The following DMD variants were observed in gnomAD, a reference collection of about 807,000 sequenced individuals.
The protein encoded by DMD is mutant dystrophin.
A neutral mutation model predicts 330.1 loss-of-function variants in DMD; 63 were observed. The observed-to-expected ratio is 0.19, with a 90% CI of 0.16 to 0.24. The LOEUF is 0.24. Ranked by LOEUF, DMD falls within the 10% of genes least tolerant of loss-of-function variation. The pLI is 1.00. For missense variants in DMD, 3,344 were observed against 2,684.1 expected, an observed-to-expected ratio of 1.25 and a Z score of -5.43; for synonymous variants, 1,223 against 959.8, an observed-to-expected ratio of 1.27 and a Z score of -5.07.
intron 37 of DMD, among the ~76,000 whole-genome samples, chrX:32,359,345 C>T (rs978269715): frequency 3.6e-5 from 4 of 111,945 alleles, no homozygotes; most frequent in Admixed American, 9.5e-5. Context: ...TATTCAAGGG[C>T]TCTTTAGAGT....
intron 4 of DMD, among the ~76,000 whole-genome samples, chrX:32,841,751 A>G (rs2148963708): frequency 8.9e-6 from 1 of 112,252 alleles, no homozygotes; most frequent in African/African-American, 3.2e-5. Flanking sequence ...TCTATAGATA[A>G]TAACCTAATA....
intron 44 of DMD, among the ~76,000 whole-genome samples, chrX:32,137,615 GT>G (rs1003231660): frequency 1.1e-4 from 12 of 107,947 alleles, no homozygotes; most frequent in South Asian, 4.0e-4. Context: ...TGAAAGTATA[GT>G]TTTTTTTTTC....
At chrX:33,185,406 A>G (rs1004951793) in intron 1 of DMD, among the ~76,000 whole-genome samples, 3 of 110,854 alleles carry the variant, frequency 2.7e-5, no homozygotes, top group African/African-American at 9.8e-5. Flanking sequence ...AATCTCTAAA[A>G]TGGGAAGTAT....
chrX:32,435,954 A>G (rs1192886920), intron 29 of DMD, among the ~76,000 whole-genome samples: 2 of 111,980 alleles, frequency 1.8e-5, no homozygotes, highest in East Asian at 2.8e-4. Context: ...ACCATGTCCA[A>G]TGAATACACC....
intron 7 of DMD, among the ~76,000 whole-genome samples, chrX:32,716,408 G>A (rs991836382): frequency 6.3e-5 from 7 of 110,734 alleles, no homozygotes; most frequent in East Asian, 2.8e-4. Context: ...CTTCCCCTTC[G>A]CCTTCCACAA....
intron 52 of DMD, among the ~76,000 whole-genome samples, chrX:31,711,784 A>G (rs1190068564): frequency 9.0e-6 from 1 of 111,231 alleles, no homozygotes; most frequent in Non-Finnish European, 1.9e-5. Flanking sequence ...CAAATATAGA[A>G]ATCAGAGTTA....
chrX:32,356,763 TG>T (rs2097802497), intron 37 of DMD, among the ~76,000 whole-genome samples: 1 of 112,296 alleles, frequency 8.9e-6, no homozygotes, highest in South Asian at 3.6e-4. Flanking sequence ...CATAATATTT[TG>T]TAAAAAGTAA....
At chrX:31,937,972 CA>C (rs972046049) in intron 45 of DMD, among the ~76,000 whole-genome samples, 1 of 111,713 alleles carries the variant, frequency 9.0e-6, no homozygotes, top group Non-Finnish European at 1.9e-5. Flanking sequence ...ATTTACATTA[CA>C]AATGTTCCCA....
At chrX:32,474,479 G>T (rs753778807) in intron 21 of DMD, among the ~76,000 whole-genome samples, 5 of 111,722 alleles carry the variant, frequency 4.5e-5, no homozygotes, top group Admixed American at 9.5e-5. Context: ...ATCCCCATCA[G>T]CAGTGTAGAA....
At chrX:32,448,890 G>A (rs887549756) in intron 26 of DMD, among the ~76,000 whole-genome samples, 2 of 110,651 alleles carry the variant, frequency 1.8e-5, no homozygotes, top group African/African-American at 6.5e-5. Context: ...CTGCATGGAG[G>A]TATGGATTTG....
intron 1 of DMD, among the ~76,000 whole-genome samples, chrX:33,090,283 TA>T (rs1243531659): frequency 9.1e-6 from 1 of 109,589 alleles, no homozygotes; most frequent in Non-Finnish European, 1.9e-5. Flanking sequence ...CAAAATTACA[TA>T]CATGTATTTA....
At chrX:32,030,880 G>A (rs1423040104) in intron 44 of DMD, among the ~76,000 whole-genome samples, 4 of 111,723 alleles carry the variant, frequency 3.6e-5, no homozygotes, top group Admixed American at 1.9e-4. Flanking sequence ...ATAGTCACAA[G>A]TTAGCTAGTG....
At chrX:32,809,920 A>C (rs1203056364) in intron 6 of DMD, among the ~76,000 whole-genome samples, 29 of 19,413 alleles carry the variant, frequency 1.5e-3, no homozygotes, top group African/African-American at 4.7e-3. Context: ...TGTTTCTACC[A>C]AAAAAAAAAA....
intron 20 of DMD, among the ~76,000 whole-genome samples, chrX:32,486,618 A>G (rs985169179): frequency 4.3e-4 from 47 of 109,772 alleles, no homozygotes; most frequent in Admixed American, 9.8e-4. Flanking sequence ...AGGCTACAGT[A>G]ACCAAAACAG....
At chrX:31,432,297 T>C (rs2092356474) in intron 60 of DMD, among the ~76,000 whole-genome samples, 1 of 111,631 alleles carries the variant, frequency 9.0e-6, no homozygotes, top group Non-Finnish European at 1.9e-5. Context: ...CAAATATCAA[T>C]AGATTATAGA....
At chrX:31,816,641 C>G (rs750671981) in intron 50 of DMD, among the ~76,000 whole-genome samples, 1 of 109,241 alleles carries the variant, frequency 9.2e-6, no homozygotes, top group Non-Finnish European at 1.9e-5. Flanking sequence ...TTTACTAAAA[C>G]TACAAAAATT....
At chrX:32,631,340 C>A (rs5971649) in intron 11 of DMD, among the ~76,000 whole-genome samples, 1 of 110,904 alleles carries the variant, frequency 9.0e-6, no homozygotes, top group Non-Finnish European at 1.9e-5. Flanking sequence ...CTGGCTATCA[C>A]CTACATTCAC....
At chrX:31,665,063 T>C (rs749511424) in intron 53 of DMD, among the ~76,000 whole-genome samples, 51 of 111,754 alleles carry the variant, frequency 4.6e-4, no homozygotes, top group African/African-American at 1.4e-3. Flanking sequence ...AAGTGACTTG[T>C]TCAAGGTGAC....
At chrX:32,418,845 C>T (rs756144246) in intron 29 of DMD, among the ~76,000 whole-genome samples, 15 of 107,438 alleles carry the variant, frequency 1.4e-4, no homozygotes, top group South Asian at 4.1e-4. Flanking sequence ...TGGTGGCAGG[C>T]GCCTGTAGTC....
Sources: gnomAD v4.1 joint callset for allele counts (sites outside exome capture counted in the v4.1 genomes callset) on GRCh38, gnomAD v4.1.1 for gene constraint, MANE v1.5 for transcripts, NCBI Gene and HGNC (gene_info 2026-07-23, HGNC 2026-07-21) for gene names.